Variants in NR2C1 observed in about 807,000 individuals in gnomAD.
NR2C1 encodes the protein nuclear receptor subfamily 2 group C member 1, also known as TR2 nuclear hormone receptor.
NR2C1 carries 33 observed loss-of-function variants against 74.8 expected under a neutral mutation model. The ratio of observed to expected loss-of-function variants is 0.44; its 90% CI spans 0.33 to 0.59. NR2C1 has a LOEUF of 0.59. Ranked by LOEUF, NR2C1 falls within the 20% of genes least tolerant of loss-of-function variation. The pLI, the probability that NR2C1 is intolerant of heterozygous loss-of-function variation, is 0.02. For missense variants in NR2C1, 568 were observed against 715.6 expected, an observed-to-expected ratio of 0.79 and a Z score of 2.35; for synonymous variants, 225 against 240.6, an observed-to-expected ratio of 0.94 and a Z score of 0.60.
At chr12:95,035,646 A>G (rs182322800) in intron 10 of NR2C1, among the ~76,000 whole-genome samples, 20 of 152,350 alleles carry the variant, frequency 1.3e-4, no homozygotes, top group Admixed American at 1.0e-3. Flanking sequence ...TGTGTTTCCA[A>G]AAGAAAAGGG....
At chr12:95,048,622 G>GT (rs899683567) in intron 9 of NR2C1, among the ~76,000 whole-genome samples, 25,207 of 130,438 alleles carry the variant, frequency 0.19, 3,111 homozygotes, top group Admixed American at 0.31. Context: ...ATGCAGATGA[G>GT]TTTTTTTTTT....
In NR2C1 at chr12:95,053,898, C is replaced by T. The variant is rs181124037; in HGVS notation, c.784-1955G>A. Among the ~76,000 whole-genome samples, 970 of 152,060 alleles carry T rather than the reference C, an allele frequency of 6.4e-3. 7 individuals carry two copies. The highest frequency in any genetic ancestry group is 0.021 in the African/African-American group (855 of 41,446). ...CAGGGTTTCACTGTGTTAGCCAGGA[C>T]AGTCTCGATCTCCTGACCTCGTGAT... On this transcript the variant is annotated intron_variant, in intron 7 of 13. Coordinates refer to ENST00000333003, the MANE Select transcript of NR2C1 (RefSeq NM_003297.4).
At chr12:95,036,041 A>G (rs888142206) in intron 10 of NR2C1, among the ~76,000 whole-genome samples, 8 of 152,208 alleles carry the variant, frequency 5.3e-5, no homozygotes, top group Non-Finnish European at 1.2e-4. Context: ...TCATTACACA[A>G]TTTAGCAAGT....
intron 10 of NR2C1, among the ~76,000 whole-genome samples, chr12:95,032,715 C>G (rs936594732): frequency 6.6e-6 from 1 of 152,006 alleles, no homozygotes; most frequent in Non-Finnish European, 1.5e-5. Context: ...CGTCTGTAAT[C>G]CCAGCACTTC....
chr12:95,038,895 TA>T lies in NR2C1; in HGVS notation c.1253+1580del, dbSNP rs1190847854. 1.2e-4 allele frequency among the ~76,000 whole-genome samples: 18 copies of T among 151,354 alleles called. No individual in the cohort carries two copies. The East Asian group carries it at 3.5e-3, about 29-fold the overall frequency. On this transcript the variant is annotated intron_variant, in intron 10 of 13. Coordinates refer to ENST00000333003, the MANE Select transcript of NR2C1 (RefSeq NM_003297.4). ...GAAAAAAGACTCTAACCCAACTAACTAAAAAAAAATCAATTGCCAATATGCA... is the reference window on the plus strand; with the variant it reads ...GAAAAAAGACTCTAACCCAACTAACTAAAAAAAATCAATTGCCAATATGCA...
chr12:95,067,736 T>C (rs547257195), intron 1 of NR2C1, among the ~76,000 whole-genome samples: 1 of 152,046 alleles, frequency 6.6e-6, no homozygotes, highest in South Asian at 2.1e-4. Flanking sequence ...GCTAATTTTT[T>C]ATTTTTTGTA....
intron 1 of NR2C1, among the ~76,000 whole-genome samples, chr12:95,067,923 C>T (rs1426796872): frequency 6.9e-6 from 1 of 144,678 alleles, no homozygotes; most frequent in Non-Finnish European, 1.5e-5. Flanking sequence ...CTCTGTCACC[C>T]AGGTTGGAGT....
At chr12:95,048,136 G>A (rs989779464) in intron 9 of NR2C1, among the ~76,000 whole-genome samples, 1 of 152,062 alleles carries the variant, frequency 6.6e-6, no homozygotes, top group Non-Finnish European at 1.5e-5. Context: ...ATGTTGCCCA[G>A]GCTGGTCTCC....
chr12:95,043,152 T>G (rs1409618142), intron 9 of NR2C1, among the ~76,000 whole-genome samples: 1 of 152,086 alleles, frequency 6.6e-6, no homozygotes, highest in African/African-American at 2.4e-5. Context: ...TCCCAGTTAC[T>G]TAGCAGACTG....
rs1868861474 is a variant in NR2C1 at position 95,022,405 on chromosome 12, T to TA, written c.1638-3dup. On this transcript the variant is annotated splice_polypyrimidine_tract_variant and splice_region_variant and intron_variant, in intron 13 of 13. Transcript: ENST00000333003. ...AATCTGAGTAGTAGTCTGGATAACC[T>TA]AAAAAAAGAAAGAAAAAAGGGAGAG... The TA allele has an allele frequency of 1.3e-6, 2 of 1,594,428 alleles. No homozygotes were observed. Among genetic ancestry groups the TA allele is most frequent in the Non-Finnish European group, 1.7e-6 (2 of 1,175,318 alleles).
chr12:95,032,107 A>G (rs1019148070), intron 10 of NR2C1, among the ~76,000 whole-genome samples: 2 of 152,208 alleles, frequency 1.3e-5, no homozygotes, highest in Non-Finnish European at 2.9e-5. Flanking sequence ...ACCTCAGCTG[A>G]TCCGCCTGCC....
rs11107863 is a variant in NR2C1, at chr12:95,023,450, T to A, written c.1638-1047A>T. ...TTAAAAATGGCAATGTTTTGTGTTA[T>A]CAGGACATAAGACATTTTCTTGGTT... On this transcript the variant is annotated intron_variant, in intron 13 of 13. Transcript: ENST00000333003. Among the ~76,000 whole-genome samples, 7 of 152,232 alleles carry A rather than the reference T, an allele frequency of 4.6e-5. No individual in the cohort carries two copies. In the East Asian group the frequency reaches 1.3e-3, roughly 29 times the overall value.
chr12:95,022,870 GT>G (rs557280268), intron 13 of NR2C1, among the ~76,000 whole-genome samples: 26,496 of 142,530 alleles, frequency 0.19, 2,460 homozygotes, highest in Non-Finnish European at 0.23. Flanking sequence ...AATTGTGTTT[GT>G]TTTTTTTTTT....
In NR2C1 at chr12:95,051,174, T is replaced by G. The variant is rs565173545; in HGVS notation, c.965+588A>C. Among the ~76,000 whole-genome samples the G allele has an allele frequency of 4.6e-5, 7 of 152,252 alleles. No individual in the cohort carries two copies. The East Asian group carries it at 1.4e-3, about 29-fold the overall frequency. ...TTCCTAATACTAAAATCCAAAATGCTCTAAAATCAGAAACTTTTTGAGCAC... is the reference window on the plus strand; with the variant it reads ...TTCCTAATACTAAAATCCAAAATGCGCTAAAATCAGAAACTTTTTGAGCAC... On this transcript the variant is annotated intron_variant, in intron 8 of 13. Transcript: ENST00000333003.
chr12:95,064,959 A>G (rs1875437544), intron 2 of NR2C1, among the ~76,000 whole-genome samples: 1 of 152,238 alleles, frequency 6.6e-6, no homozygotes, highest in East Asian at 1.9e-4. Flanking sequence ...CTAATAGTTC[A>G]TACTGACTTC....
At chr12:95,035,964 G>A (rs1870767872) in intron 10 of NR2C1, among the ~76,000 whole-genome samples, 1 of 152,084 alleles carries the variant, frequency 6.6e-6, no homozygotes, top group East Asian at 1.9e-4. Context: ...TAAGTTACGT[G>A]GTCCAAAGAC....
chr12:95,025,154 A>T lies in NR2C1; in HGVS notation c.1633T>A (p.Tyr545Asn). The T allele has an allele frequency of 6.9e-7, 1 of 1,445,952 alleles. No individual in the cohort carries two copies. Among genetic ancestry groups the T allele is most frequent in the Non-Finnish European group, 9.6e-7 (1 of 1,038,232 alleles). 89.6% of individuals were successfully genotyped at this position (1,445,952 alleles called of 1,614,324 possible). A position where few individuals can be genotyped will look rare whatever the true frequency, so the allele number is the denominator to read the frequency against. Reference sequence around the variant, plus strand: ...ATAGAATTTAACTCTAGATACCTGTAGGTGTCATCTGGATATGTTTTGGTT... The same window carrying T: ...ATAGAATTTAACTCTAGATACCTGTTGGTGTCATCTGGATATGTTTTGGTT... ...YITKTYPDDT[Y>N]RLSRLLLRLP... Residue 545 changes from tyrosine (Y) to asparagine (N), a missense_variant, in exon 13 of 14, where the codon TAC (tyrosine) becomes AAC (asparagine). Transcript: ENST00000333003.
At chr12:95,024,573 TA>T (rs1402052086) in intron 13 of NR2C1, among the ~76,000 whole-genome samples, 1 of 152,210 alleles carries the variant, frequency 6.6e-6, no homozygotes, top group African/African-American at 2.4e-5. Context: ...AAATTAATTA[TA>T]AAACAATCTA....
intron 12 of NR2C1, among the ~76,000 whole-genome samples, chr12:95,025,639 C>T (rs1204455020): frequency 1.3e-5 from 1 of 79,880 alleles, no homozygotes; most frequent in Admixed American, 1.9e-4. Flanking sequence ...GCCTGGGCAA[C>T]AAGAGTGAAA....
Sources: gnomAD v4.1 joint callset for allele counts (sites outside exome capture counted in the v4.1 genomes callset) on GRCh38, gnomAD v4.1.1 for gene constraint, MANE v1.5 for transcripts, NCBI Gene and HGNC (gene_info 2026-07-23, HGNC 2026-07-21) for gene names.